Variants in PTPRN2 observed in about 807,000 individuals in gnomAD.
PTPRN2 encodes protein tyrosine phosphatase receptor type N2.
In PTPRN2, 74 loss-of-function variants were observed where a neutral mutation model predicts 118.8. That is an observed-to-expected ratio of 0.62 (90% CI 0.52 to 0.76). The LOEUF is 0.76. Ranked by LOEUF, PTPRN2 falls within the 30% of genes least tolerant of loss-of-function variation. PTPRN2 has a pLI of 0.00. For missense variants in PTPRN2, 1,481 were observed against 1,394.4 expected, an observed-to-expected ratio of 1.06 and a Z score of -0.99; for synonymous variants, 641 against 608.0, an observed-to-expected ratio of 1.05 and a Z score of -0.80.
intron 3 of PTPRN2, among the ~76,000 whole-genome samples, chr7:158,296,011 G>T (rs1272817709): frequency 6.6e-6 from 1 of 152,254 alleles, no homozygotes; most frequent in Non-Finnish European, 1.5e-5. Flanking sequence ...TGATATGGGA[G>T]ATGGGCAGGG....
rs111648883 is a variant in PTPRN2 at position 157,990,853 on chromosome 7, C to A, written c.1723+90445G>T. Among the ~76,000 whole-genome samples the A allele has an allele frequency of 2.6e-5, 4 of 152,200 alleles. No homozygotes were observed. Among genetic ancestry groups the A allele is most frequent in the Admixed American group, 2.6e-4 (4 of 15,282 alleles). Reference sequence around the variant, plus strand: ...GCAGGAGTGACCAGCCCAGTCCCAGCGCTTACCGAGGAGGACTGGGGAGGG... The same window carrying A: ...GCAGGAGTGACCAGCCCAGTCCCAGAGCTTACCGAGGAGGACTGGGGAGGG... On this transcript the variant is annotated intron_variant, in intron 11 of 22. Transcript: ENST00000389418. The surrounding 1 kb of genome is among the most constrained non-coding windows in gnomAD (Gnocchi z 4.3).
intron 2 of PTPRN2, among the ~76,000 whole-genome samples, chr7:158,376,184 C>T (rs1406738700): frequency 6.6e-6 from 1 of 152,196 alleles, no homozygotes; most frequent in Non-Finnish European, 1.5e-5. Flanking sequence ...GTGTGCTCTC[C>T]CTTCCCTAAG....
chr7:158,415,406 C>A (rs1241907298), intron 2 of PTPRN2, among the ~76,000 whole-genome samples: 2 of 152,182 alleles, frequency 1.3e-5, no homozygotes, highest in East Asian at 1.9e-4. Context: ...CCTCTCTAAG[C>A]CCCCACCAGC....
intron 2 of PTPRN2, among the ~76,000 whole-genome samples, chr7:158,354,727 G>A (rs895485587): frequency 6.6e-6 from 1 of 152,062 alleles, no homozygotes; most frequent in Non-Finnish European, 1.5e-5. Context: ...GTTCAAGAGG[G>A]AGCTGAGTGA....
rs568957754 is a variant in PTPRN2, at chr7:157,967,135, C to T, written c.1724-68398G>A. On this transcript the variant is annotated intron_variant, in intron 11 of 22. Transcript: ENST00000389418. ...AGGAGTTTGAGAACCACCTGGGCAA[C>T]ATATTGAGATCCTATCTCTATTAAA... Among the ~76,000 whole-genome samples, 4 of 152,280 alleles carry T rather than the reference C, an allele frequency of 2.6e-5. No individual in the cohort carries two copies. In the South Asian group the frequency reaches 8.3e-4, roughly 32 times the overall value.
chr7:158,303,454 T>C (rs979281599), intron 3 of PTPRN2, among the ~76,000 whole-genome samples: 2 of 152,250 alleles, frequency 1.3e-5, no homozygotes, highest in Non-Finnish European at 2.9e-5. Context: ...TACTGCTCTA[T>C]ACTATATCCA....
chr7:158,346,578 A>C (rs1313309087), intron 2 of PTPRN2, among the ~76,000 whole-genome samples: 3 of 152,204 alleles, frequency 2.0e-5, no homozygotes, highest in Non-Finnish European at 4.4e-5. Flanking sequence ...TGCAGTAAAC[A>C]TGAGGGTGCA....
rs116582312 is a variant in PTPRN2 at position 158,456,247 on chromosome 7, C to T, written c.163+33488G>A. Among the ~76,000 whole-genome samples the T allele has an allele frequency of 9.7e-3, 1,428 of 146,496 alleles. 9 individuals are homozygous for T. The highest frequency in any genetic ancestry group is 0.034 in the African/African-American group (1,289 of 38,344). ...CCCCATCGCTCTGCAGAGAACGTAA[C>T]GGCACGGATGCCATCGGCCACGGCC... On this transcript the variant is annotated intron_variant, in intron 2 of 22. Coordinates refer to ENST00000389418, the MANE Select transcript of PTPRN2 (RefSeq NM_002847.5).
chr7:158,575,918 C>G (rs998233232), intron 1 of PTPRN2, among the ~76,000 whole-genome samples: 1 of 152,052 alleles, frequency 6.6e-6, no homozygotes, highest in Non-Finnish European at 1.5e-5. Flanking sequence ...GAAAACTAAA[C>G]CAAGAATCTA....
chr7:158,419,813 T>G (rs1369491590), intron 2 of PTPRN2, among the ~76,000 whole-genome samples: 2 of 152,090 alleles, frequency 1.3e-5, no homozygotes, highest in Non-Finnish European at 2.9e-5. Flanking sequence ...GCTCAGCACT[T>G]CGTTATTTTA....
rs1039237674 is a variant in PTPRN2, at chr7:157,611,088, G to A, written c.2345-7013C>T. ...ACCGCTGAGCTGAATAACCGAGCGC[G>A]AGGCTGGTGTCCGGCTTCCACACTG... On this transcript the variant is annotated intron_variant, in intron 15 of 22. Transcript: ENST00000389418. This position sits in a 1 kb window ranked among gnomAD's most constrained non-coding sequence, Gnocchi z 5.9. Among the ~76,000 whole-genome samples, 9 of 152,210 alleles carry A rather than the reference G, an allele frequency of 5.9e-5. No individual in the cohort carries two copies. Among genetic ancestry groups the A allele is most frequent in the African/African-American group, 1.9e-4 (8 of 41,454 alleles).
chr7:158,141,198 C>T (rs4909277), intron 6 of PTPRN2, among the ~76,000 whole-genome samples: 2 of 152,184 alleles, frequency 1.3e-5, no homozygotes, highest in African/African-American at 2.4e-5. Flanking sequence ...ACAATAGAAG[C>T]GGAGGAATTA....
Position 158,376,645 on chromosome 7 carries a change from C to T in PTPRN2, c.164-59713G>A, listed in dbSNP as rs553518722. Among the ~76,000 whole-genome samples the T allele has an allele frequency of 1.4e-3, 160 of 115,726 alleles. 1 individual carries two copies. The highest frequency in any genetic ancestry group is 5.4e-3 in the African/African-American group (150 of 28,034). 75.9% of individuals were successfully genotyped at this position (115,726 alleles called of 152,430 possible). A position where few individuals can be genotyped will look rare whatever the true frequency, so the allele number is the denominator to read the frequency against. On this transcript the variant is annotated intron_variant, in intron 2 of 22. Transcript: ENST00000389418. ...TCAGGGGACTCCCCCACAGCCCTGT[C>T]ACACGTCCTGCATGCGGGGTCAGGG...
intron 14 of PTPRN2, 57 bp from the exon 15 acceptor site, chr7:157,621,566 A>G: frequency 6.3e-7 from 1 of 1,596,048 alleles, no homozygotes; most frequent in South Asian, 1.1e-5. Context: ...AGACCGGCAG[A>G]TGCACAAAAG....
chr7:158,511,809 G>A (rs2129447086), intron 1 of PTPRN2, among the ~76,000 whole-genome samples: 2 of 152,320 alleles, frequency 1.3e-5, no homozygotes, highest in East Asian at 3.9e-4. Context: ...ACATTGCTAA[G>A]TGAAAGCAGC....
At chr7:157,635,807 T>G (rs960565063) in intron 14 of PTPRN2, among the ~76,000 whole-genome samples, 1 of 152,246 alleles carries the variant, frequency 6.6e-6, no homozygotes, top group Non-Finnish European at 1.5e-5. Context: ...TTTATTTTCT[T>G]AGCCTCAGCT....
At chr7:158,048,537 T>A (rs1267042659) in intron 11 of PTPRN2, among the ~76,000 whole-genome samples, 2 of 152,122 alleles carry the variant, frequency 1.3e-5, no homozygotes, top group East Asian at 3.9e-4. Context: ...CATAATCATA[T>A]CATCCCACCA....
intron 14 of PTPRN2, among the ~76,000 whole-genome samples, chr7:157,639,650 C>T (rs62476809): frequency 0.095 from 14,484 of 152,272 alleles, 750 homozygotes; most frequent in East Asian, 0.17. Flanking sequence ...GGAAGGCAGG[C>T]GACAGGATTC....
At chr7:158,454,657 A>G (rs1264058598) in intron 2 of PTPRN2, among the ~76,000 whole-genome samples, 1 of 152,204 alleles carries the variant, frequency 6.6e-6, no homozygotes, top group Admixed American at 6.5e-5. Flanking sequence ...GCTATGGAGG[A>G]CAGACAAGAC....
Sources: allele counts gnomAD v4.1 joint callset (sites outside exome capture counted in the v4.1 genomes callset), GRCh38; gene constraint gnomAD v4.1.1; non-coding constraint Gnocchi (gnomAD v3.1); transcripts MANE v1.5; gene names NCBI Gene and HGNC (gene_info 2026-07-23, HGNC 2026-07-21).